Variants in RAD51B observed in about 807,000 individuals in gnomAD.
The protein encoded by RAD51B is DNA repair protein RAD51 homolog 2.
RAD51B carries 38 observed loss-of-function variants against 42.2 expected under a neutral mutation model. That is an observed-to-expected ratio of 0.90 (90% confidence interval 0.70 to 1.18). RAD51B has a LOEUF of 1.18. RAD51B is among the 50% of genes most tolerant of loss of function. The pLI is 0.00. For synonymous variants in RAD51B, 154 were observed against 145.2 expected (o/e 1.06, Z -0.43); for missense variants, 373 against 400.7 (o/e 0.93, Z 0.59).
At chr14:68,533,086 A>G (rs977143639) in intron 10 of RAD51B, among the ~76,000 whole-genome samples, 2 of 152,210 alleles carry the variant, frequency 1.3e-5, no homozygotes, top group Non-Finnish European at 2.9e-5. Context: ...GAAATGAGGT[A>G]TAAGAATTGA....
intron 7 of RAD51B, among the ~76,000 whole-genome samples, chr14:67,963,838 A>G (rs928126156): frequency 1.3e-4 from 19 of 151,530 alleles, no homozygotes; most frequent in African/African-American, 4.1e-4. Context: ...TTTTTTTAGG[A>G]TTTTTTTGAG....
At chr14:67,946,602 G>A (rs1029113330) in intron 7 of RAD51B, among the ~76,000 whole-genome samples, 2 of 152,116 alleles carry the variant, frequency 1.3e-5, no homozygotes, top group African/African-American at 2.4e-5. Flanking sequence ...TCCTGACCTC[G>A]TGATCCACCC....
chr14:68,600,615 G>A (rs937904964), downstream of RAD51B, among the ~76,000 whole-genome samples: 2 of 152,164 alleles, frequency 1.3e-5, no homozygotes, highest in African/African-American at 4.8e-5. Flanking sequence ...TCTGCCATTG[G>A]GACCCCTGGC....
chr14:67,841,708 T>C (rs900759944), intron 4 of RAD51B, among the ~76,000 whole-genome samples: 2 of 152,208 alleles, frequency 1.3e-5, no homozygotes, highest in Admixed American at 1.3e-4. Context: ...TCGTTGACTT[T>C]GTCAAAGATC....
chr14:68,147,354 T>A (rs2078274025), intron 7 of RAD51B, among the ~76,000 whole-genome samples: 1 of 152,194 alleles, frequency 6.6e-6, no homozygotes, highest in Non-Finnish European at 1.5e-5. Context: ...GTTTAATAAA[T>A]GAGAACATAT....
chr14:68,363,493 T>C (rs978938181), intron 8 of RAD51B, among the ~76,000 whole-genome samples: 3 of 152,226 alleles, frequency 2.0e-5, no homozygotes, highest in Non-Finnish European at 4.4e-5. Flanking sequence ...GACAGGCTCA[T>C]CTCCAGGTGT....
chr14:68,306,540 T>G, intron 8 of RAD51B: 1 of 446,018 alleles, frequency 2.2e-6, no homozygotes, highest in Non-Finnish European at 4.5e-6. Context: ...TCAGAGGAAG[T>G]CATCTGAAAT....
intron 7 of RAD51B, among the ~76,000 whole-genome samples, chr14:68,126,843 G>C (rs1457910346): frequency 6.6e-6 from 1 of 152,150 alleles, no homozygotes; most frequent in Non-Finnish European, 1.5e-5. Context: ...CAAGGTGTTT[G>C]GGTGGATTCG....
intron 7 of RAD51B, among the ~76,000 whole-genome samples, chr14:67,963,809 C>A (rs983776518): frequency 2.6e-5 from 4 of 151,866 alleles, no homozygotes; most frequent in African/African-American, 9.7e-5. Flanking sequence ...ATTTTACCAC[C>A]AAAAATTAGG....
At chr14:68,514,213 T>C (rs913890575) in intron 10 of RAD51B, among the ~76,000 whole-genome samples, 10 of 152,212 alleles carry the variant, frequency 6.6e-5, no homozygotes, top group African/African-American at 1.4e-4. Flanking sequence ...TGATCCTTTT[T>C]TTCTTAGTTC....
intron 10 of RAD51B, among the ~76,000 whole-genome samples, chr14:68,582,145 A>G (rs1319057140): frequency 2.6e-5 from 4 of 152,380 alleles, no homozygotes; most frequent in Admixed American, 6.5e-5. Context: ...AACAAAAGTC[A>G]AAATTGACAA....
At chr14:68,144,976 T>C (rs1189549680) in intron 7 of RAD51B, among the ~76,000 whole-genome samples, 2 of 152,236 alleles carry the variant, frequency 1.3e-5, no homozygotes, top group Non-Finnish European at 2.9e-5. Context: ...CTTGGCTATA[T>C]TGTTTCAAAT....
chr14:68,641,466 A>G (rs530107835), intron 10 of RAD51B, among the ~76,000 whole-genome samples: 1 of 151,128 alleles, frequency 6.6e-6, no homozygotes, highest in East Asian at 2.0e-4. Flanking sequence ...TTATTGCATT[A>G]TTTAGGACTT....
intron 9 of RAD51B, among the ~76,000 whole-genome samples, chr14:68,439,351 G>C (rs1456660202): frequency 6.6e-6 from 1 of 152,198 alleles, no homozygotes; most frequent in Non-Finnish European, 1.5e-5. Flanking sequence ...CCTGGGGATG[G>C]TGGTAGCTTC....
downstream of RAD51B, chr14:68,596,057 T>C (rs990241575): frequency 2.9e-6 from 3 of 1,050,712 alleles, no homozygotes; most frequent in Admixed American, 1.1e-4. Flanking sequence ...AGCAGATGTG[T>C]TTCCTGTTTC....
intron 7 of RAD51B, among the ~76,000 whole-genome samples, chr14:68,226,034 G>A (rs2080031251): frequency 1.3e-5 from 2 of 152,164 alleles, no homozygotes; most frequent in African/African-American, 4.8e-5. Flanking sequence ...CATTCATTGT[G>A]TGACATTACT....
At chr14:68,613,458 C>CT (rs143102666), downstream of RAD51B, among the ~76,000 whole-genome samples, 59,262 of 139,706 alleles carry the variant, frequency 0.42, 12,854 homozygotes, top group Middle Eastern at 0.51. Flanking sequence ...TTCTTTTTTT[C>CT]TTTTTTTTTT....
rs141758089 is a variant in RAD51B, at chr14:68,601,177, C to G, written c.1037-9829C>G. ...CCTCTGGGATTATCTTGCGGCCACTCTCTGAAGCCTTGGACCCTGTAGTTG... is the reference window on the plus strand; with the variant it reads ...CCTCTGGGATTATCTTGCGGCCACTGTCTGAAGCCTTGGACCCTGTAGTTG... On this transcript the variant is annotated intron_variant, in intron 10 of 10. Coordinates refer to the RAD51B transcript ENST00000487861. 9.7e-4 allele frequency among the ~76,000 whole-genome samples: 148 copies of G among 152,210 alleles called. 3 individuals are homozygous for G. The East Asian group carries it at 0.028, about 29-fold the overall frequency.
At chr14:68,427,037 A>T (rs1242528272) in intron 9 of RAD51B, among the ~76,000 whole-genome samples, 3 of 152,258 alleles carry the variant, frequency 2.0e-5, no homozygotes, top group Admixed American at 2.0e-4. Flanking sequence ...AGGCACGAGT[A>T]GTAAGCCTTG....
Sources: gnomAD v4.1 joint callset for allele counts (sites outside exome capture counted in the v4.1 genomes callset) on GRCh38, gnomAD v4.1.1 for gene constraint, MANE v1.5 for transcripts, NCBI Gene and HGNC (gene_info 2026-07-23, HGNC 2026-07-21) for gene names.